The following CCND2 variants were observed in gnomAD, a reference collection of about 807,000 sequenced individuals.
CCND2 encodes the protein G1/S-specific cyclin-D2.
A neutral mutation model predicts 30.2 loss-of-function variants in CCND2; 6 were observed. That is an observed-to-expected ratio of 0.20 (90% CI 0.11 to 0.39). The LOEUF (loss-of-function observed/expected upper bound fraction) is 0.39, where lower values mean the gene tolerates loss of function less well. Ranked by LOEUF, CCND2 falls within the 10% of genes least tolerant of loss-of-function variation. The probability of loss-of-function intolerance (pLI) is 1.00; values close to 1 mark genes in which losing one functional copy is unlikely to be tolerated. For synonymous variants in CCND2, 150 were observed against 153.1 expected (o/e 0.98, Z 0.15); for missense variants, 235 against 373.4 (o/e 0.63, Z 3.06).
rs559306512 is a variant in CCND2 at position 4,290,619 on chromosome 12, C to CA, written c.720+1629_720+1630insA. ...TGCCCCCAGGCATTGTAACCTTTTC[C>CA]CCCGATGTTGATAGACCTGCTCTGA... On this transcript the variant is annotated intron_variant, in intron 4 of 4. Transcript: ENST00000261254. Among the ~76,000 whole-genome samples, 67 of 151,188 alleles carry CA rather than the reference C, an allele frequency of 4.4e-4. No homozygotes were observed. In the South Asian group the frequency reaches 0.013, roughly 30 times the overall value.
Position 4,299,758 on chromosome 12 carries a change from C to G in CCND2, c.721-102C>G, listed in dbSNP as rs1468855155. 8.7e-7 allele frequency: 1 copy of G among 1,148,498 alleles called. No homozygotes were observed. Among genetic ancestry groups the G allele is most frequent in the East Asian group, 2.4e-5 (1 of 41,326 alleles). The allele number at this position is 1,148,498 out of a possible 1,614,324, so 71.1% of individuals were successfully genotyped here. ...ACTTCACATTTATTTCTACTGGAAACTAGCACAGACTTATGCAAGCTAAAT... is the reference window on the plus strand; with the variant it reads ...ACTTCACATTTATTTCTACTGGAAAGTAGCACAGACTTATGCAAGCTAAAT... On this transcript the variant is annotated intron_variant, in intron 4 of 4. Coordinates refer to ENST00000261254, the MANE Select transcript of CCND2 (RefSeq NM_001759.4). This position sits in a 1 kb window ranked among gnomAD's most constrained non-coding sequence, Gnocchi z 5.2.
At position 4,303,521 on chromosome 12, in the gene CCND2, G is replaced by GT; in HGVS notation, c.*3519dup. 1 of 233,502 alleles carries GT rather than the reference G, an allele frequency of 4.3e-6. No individual in the cohort carries two copies. Among genetic ancestry groups the GT allele is most frequent in the Non-Finnish European group, 8.5e-6 (1 of 118,034 alleles). The allele number at this position is 233,502 out of a possible 1,614,324, so 14.5% of individuals were successfully genotyped here. A position where few individuals can be genotyped will look rare whatever the true frequency, so the allele number is the denominator to read the frequency against. ...ATCTCGTCTTTACTTCCATCTGTTT[G>GT]TTTTTTTCTCCATCAGTGGGGGCCG... On this transcript the variant is annotated 3_prime_UTR_variant, in exon 5 of 5. Transcript: ENST00000261254. This position sits in a 1 kb window ranked among gnomAD's most constrained non-coding sequence, Gnocchi z 4.6.
At chr12:4,298,362 G>C (rs1864203331) in intron 4 of CCND2, among the ~76,000 whole-genome samples, 1 of 152,184 alleles carries the variant, frequency 6.6e-6, no homozygotes. Context: ...GAAAATTTAG[G>C]GGTATGGAAA....
rs1251295537 is a variant in CCND2 at position 4,282,874 on chromosome 12, C to G, written c.571+3955C>G. 6.6e-6 allele frequency among the ~76,000 whole-genome samples: 1 copy of G among 152,166 alleles called. No individual in the cohort carries two copies. The highest frequency in any genetic ancestry group is 2.4e-5 in the African/African-American group (1 of 41,430). On this transcript the variant is annotated intron_variant, in intron 3 of 4. Coordinates refer to ENST00000261254, the MANE Select transcript of CCND2 (RefSeq NM_001759.4). The surrounding 1 kb of genome is among the most constrained non-coding windows in gnomAD (Gnocchi z 4.3). ...GGTGCGTGCCCAGTGACGTCCCTGG[C>G]CTGTGAACACTCTGGTTCTGGCCCT... is the stretch of plus-strand genomic sequence containing the variant.
chr12:4,295,097 G>A (rs1490571776), intron 4 of CCND2, among the ~76,000 whole-genome samples: 1 of 152,132 alleles, frequency 6.6e-6, no homozygotes, highest in Non-Finnish European at 1.5e-5. Context: ...CCCTTCCCAA[G>A]TCCAAAAAGG....
intron 3 of CCND2, among the ~76,000 whole-genome samples, chr12:4,281,779 C>T (rs898385447): frequency 2.6e-5 from 4 of 152,034 alleles, no homozygotes; most frequent in South Asian, 2.1e-4. Flanking sequence ...ATAGAGGGGC[C>T]GCGTAAGTGT....
intron 3 of CCND2, among the ~76,000 whole-genome samples, chr12:4,280,186 T>C (rs1264184318): frequency 2.0e-5 from 3 of 152,274 alleles, no homozygotes; most frequent in African/African-American, 7.2e-5. Flanking sequence ...GGACGTGCTT[T>C]GTAAACCGAA....
Position 4,285,841 on chromosome 12 carries a change from C to T in CCND2, c.572-3001C>T, listed in dbSNP as rs571932742. ...CCCCTACCAGTAGAGAGGGGGATGT[C>T]CTTGAGAGTGGTCCTGGGGCAGCCC... is the stretch of plus-strand genomic sequence containing the variant. On this transcript the variant is annotated intron_variant, in intron 3 of 4. Coordinates refer to ENST00000261254, the MANE Select transcript of CCND2 (RefSeq NM_001759.4). This position sits in a 1 kb window ranked among gnomAD's most constrained non-coding sequence, Gnocchi z 4.1. Among the ~76,000 whole-genome samples, 1 of 152,246 alleles carries T rather than the reference C, an allele frequency of 6.6e-6. No homozygotes were observed. Among genetic ancestry groups the T allele is most frequent in the South Asian group, 2.1e-4 (1 of 4,822 alleles).
intron 4 of CCND2, among the ~76,000 whole-genome samples, chr12:4,292,162 CACAT>C: frequency 6.6e-6 from 1 of 152,008 alleles, no homozygotes; most frequent in East Asian, 1.9e-4. Flanking sequence ...TATATACACA[CACAT>C]ACATAAATGG....
intron 4 of CCND2, among the ~76,000 whole-genome samples, chr12:4,290,052 G>T (rs904123248): frequency 6.6e-6 from 1 of 152,172 alleles, no homozygotes; most frequent in Non-Finnish European, 1.5e-5. Context: ...TGGATGGTCC[G>T]GGGGGATTCA....
At chr12:4,289,690 C>G (rs752871462) in intron 4 of CCND2, among the ~76,000 whole-genome samples, 4 of 152,160 alleles carry the variant, frequency 2.6e-5, no homozygotes, top group African/African-American at 4.8e-5. Context: ...AGACCAGGGT[C>G]AAGTGAGCCT....
chr12:4,304,236 G>A lies in CCND2; in HGVS notation c.*4227G>A, dbSNP rs1409340099. The A allele has an allele frequency of 4.3e-6, 1 of 233,584 alleles. No homozygotes were observed. The highest frequency in any genetic ancestry group is 8.5e-6 in the Non-Finnish European group (1 of 118,040). 14.5% of individuals were successfully genotyped at this position (233,584 alleles called of 1,614,324 possible). ...GATAATATTGGTAGTGTGGGAATTG[G>A]AGGTAGGAAGGGGAGGAAGTCTGAG... On this transcript the variant is annotated 3_prime_UTR_variant, in exon 5 of 5. Transcript: ENST00000261254. The surrounding 1 kb of genome is among the most constrained non-coding windows in gnomAD (Gnocchi z 6.2).
intron 3 of CCND2, among the ~76,000 whole-genome samples, chr12:4,288,033 C>G (rs1403922746): frequency 6.6e-6 from 1 of 152,156 alleles, no homozygotes; most frequent in African/African-American, 2.4e-5. Context: ...GTCATAACAT[C>G]GAAACCGAGT....
rs1197192244 is a variant in CCND2, at chr12:4,280,631, T to A, written c.571+1712T>A. Among the ~76,000 whole-genome samples the A allele has an allele frequency of 4.6e-3, 703 of 152,310 alleles. 12 individuals carry two copies. The highest frequency in any genetic ancestry group is 0.016 in the African/African-American group (680 of 41,548). ...CCGAGAGGTCAGTCCTCCAGTGACC[T>A]GTCATTTTGTCTCCCAGGCTCGGCT... On this transcript the variant is annotated intron_variant, in intron 3 of 4. Transcript: ENST00000261254.
Position 4,305,316 on chromosome 12 carries a change from G to T in CCND2, c.*5307G>T, listed in dbSNP as rs1384093579. On this transcript the variant is annotated 3_prime_UTR_variant, in exon 5 of 5. Transcript: ENST00000261254. This position sits in a 1 kb window ranked among gnomAD's most constrained non-coding sequence, Gnocchi z 6.4. ...TGAAAATGGTTTTGAATGCAATTAG[G>T]TTATGCTATTTGGACAATAAACTCA... 1 of 226,046 alleles carries T rather than the reference G, an allele frequency of 4.4e-6. No individual in the cohort carries two copies. Among genetic ancestry groups the T allele is most frequent in the East Asian group, 6.4e-5 (1 of 15,568 alleles). The allele number at this position is 226,046 out of a possible 1,614,324, so 14.0% of individuals were successfully genotyped here.
rs946351250 is a variant in CCND2, at chr12:4,293,516, G to C, written c.720+4526G>C. Among the ~76,000 whole-genome samples, 83 of 152,374 alleles carry C rather than the reference G, an allele frequency of 5.4e-4. 1 individual carries two copies. Among genetic ancestry groups the C allele is most frequent in the Middle Eastern group, 6.8e-3 (2 of 294 alleles). ...TTCAGTCGAACCCGTCACCCAGACA[G>C]TGTACACAGTACCCAATAGGGAGTG... is the stretch of plus-strand genomic sequence containing the variant. On this transcript the variant is annotated intron_variant, in intron 4 of 4. Coordinates refer to ENST00000261254, the MANE Select transcript of CCND2 (RefSeq NM_001759.4). The surrounding 1 kb of genome is among the most constrained non-coding windows in gnomAD (Gnocchi z 4.9).
chr12:4,294,263 T>C (rs1864136748), intron 4 of CCND2, among the ~76,000 whole-genome samples: 1 of 150,960 alleles, frequency 6.6e-6, no homozygotes, highest in African/African-American at 2.4e-5. Flanking sequence ...GGCTCCAGGC[T>C]TGGGGGCGGG....
chr12:4,301,293 T>G lies in CCND2; in HGVS notation c.*1284T>G, dbSNP rs1413409824. ...CTCCTTTGGACATGGAAAGAAAAGT[T>G]ATTGCTGGTGCAAAGATAGATGGCT... On this transcript the variant is annotated 3_prime_UTR_variant, in exon 5 of 5. Transcript: ENST00000261254. 4.3e-6 allele frequency: 1 copy of G among 233,594 alleles called. No homozygotes were observed. The highest frequency in any genetic ancestry group is 6.0e-5 in the East Asian group (1 of 16,600). 14.5% of individuals were successfully genotyped at this position (233,594 alleles called of 1,614,324 possible).
rs969318686 is a variant in CCND2, at chr12:4,300,354, CT to C, written c.*355del. The C allele has an allele frequency of 2.3e-3, 573 of 247,130 alleles. No individual in the cohort carries two copies. The highest frequency in any genetic ancestry group is 6.2e-3 in the South Asian group (47 of 7,554). 15.3% of individuals were successfully genotyped at this position (247,130 alleles called of 1,614,324 possible). A position where few individuals can be genotyped will look rare whatever the true frequency, so the allele number is the denominator to read the frequency against. On this transcript the variant is annotated 3_prime_UTR_variant, in exon 5 of 5. Transcript: ENST00000261254. ...CAATATGGGAACAAATTAGAGGAGACTTTTTTTTTTCATGTTATGAGCTAGC... is the reference window on the plus strand; with the variant it reads ...CAATATGGGAACAAATTAGAGGAGACTTTTTTTTTCATGTTATGAGCTAGC...
Sources: allele counts gnomAD v4.1 joint callset (sites outside exome capture counted in the v4.1 genomes callset), GRCh38; gene constraint gnomAD v4.1.1; non-coding constraint Gnocchi (gnomAD v3.1); transcripts MANE v1.5; gene names NCBI Gene and HGNC (gene_info 2026-07-23, HGNC 2026-07-21).